CUBN: variants seen among roughly 807,000 people sequenced by gnomAD.
The protein encoded by CUBN is 460 kDa receptor.
Under a neutral mutation model 405.3 loss-of-function variants are expected in CUBN, and 282 were observed. The ratio of observed to expected loss-of-function variants is 0.70; its 90% CI spans 0.63 to 0.77. The LOEUF is 0.77. Among genes scored for constraint, CUBN ranks in the 30% least tolerant of loss-of-function variants. The probability of loss-of-function intolerance (pLI) is 0.00; values close to 1 mark genes in which losing one functional copy is unlikely to be tolerated. For missense variants in CUBN, 4,514 were observed against 4,475.2 expected (o/e 1.01, Z -0.25); for synonymous variants, 1,684 against 1,617.0 (o/e 1.04, Z -0.99).
chr10:16,879,412 C>T (rs975080560), intron 56 of CUBN, among the ~76,000 whole-genome samples: 4 of 152,150 alleles, frequency 2.6e-5, no homozygotes, highest in Non-Finnish European at 5.9e-5. Flanking sequence ...TCTAATGATC[C>T]ACATCACCCC....
intron 59 of CUBN, among the ~76,000 whole-genome samples, chr10:16,861,591 T>C (rs897154907): frequency 2.6e-5 from 4 of 151,392 alleles, no homozygotes; most frequent in African/African-American, 7.4e-5. Context: ...AGTGTACTGT[T>C]TTTACAGATA....
intron 57 of CUBN, among the ~76,000 whole-genome samples, chr10:16,875,938 C>T (rs958361872): frequency 2.1e-4 from 32 of 152,134 alleles, no homozygotes; most frequent in Admixed American, 1.6e-3. Flanking sequence ...ACGTTAATTG[C>T]GTGGTTCTAT....
chr10:16,931,579 A>G (rs1291314416), intron 40 of CUBN, among the ~76,000 whole-genome samples: 1 of 152,222 alleles, frequency 6.6e-6, no homozygotes, highest in African/African-American at 2.4e-5. Flanking sequence ...AGAAATTTCC[A>G]TCTAAGTAAA....
chr10:16,836,641 C>T (rs555765087), intron 62 of CUBN, among the ~76,000 whole-genome samples: 207 of 152,326 alleles, frequency 1.4e-3, no homozygotes, highest in African/African-American at 4.6e-3. Context: ...TAAGATCCCT[C>T]GCCTTTTATG....
chr10:17,037,943 T>TTTTC (rs11288246), intron 27 of CUBN, among the ~76,000 whole-genome samples: 1 of 10,680 alleles, frequency 9.4e-5, no homozygotes, highest in Non-Finnish European at 1.5e-3. Flanking sequence ...CACAGTCACC[T>TTTTC]TTTTTTTTTT....
chr10:16,952,011 T>C (rs1842934464), intron 33 of CUBN, among the ~76,000 whole-genome samples: 1 of 151,900 alleles, frequency 6.6e-6, no homozygotes, highest in South Asian at 2.1e-4. Flanking sequence ...TGTGTTGTTG[T>C]GCGTGTGTGT....
In CUBN at chr10:17,041,081, T is replaced by C; in HGVS notation, c.3969A>G (p.Leu1323=). Residue 1323 remains leucine, a synonymous_variant, in exon 27 of 67, where the codon TTA becomes TTG. Coordinates refer to ENST00000377833, the MANE Select transcript of CUBN (RefSeq NM_001081.4). ...TTATGTGATGTTCCAAGTCAAATGC[T>C]AAAAATGTGTAGTTCACAGTGTTGC... ...TTGNTVNYTF[L]AFDLEHHINC... The C allele has an allele frequency of 3.1e-6, 5 of 1,613,810 alleles. No individual in the cohort carries two copies. The highest frequency in any genetic ancestry group is 4.2e-6 in the Non-Finnish European group (5 of 1,179,784).
chr10:17,033,403 T>C (rs528895756), intron 27 of CUBN, among the ~76,000 whole-genome samples: 2 of 152,340 alleles, frequency 1.3e-5, no homozygotes, highest in Middle Eastern at 3.4e-3. Flanking sequence ...ATAAATTGAT[T>C]AAGGTGTGTT....
At position 16,900,622 on chromosome 10, in the gene CUBN, T is replaced by C. The variant is rs781403738; in HGVS notation, c.8410+3A>G. The C allele has an allele frequency of 3.1e-6, 5 of 1,604,392 alleles. No homozygotes were observed. In the South Asian group the frequency reaches 3.3e-5, roughly 11 times the overall value. ...AATCAAATGGAGCAAACATTTCTTT[T>C]ACCTAAAGTTTGTGTGTTCCACGTA... On this transcript the variant is annotated splice_donor_region_variant and intron_variant, in intron 53 of 66. Coordinates refer to ENST00000377833, the MANE Select transcript of CUBN (RefSeq NM_001081.4).
At chr10:17,087,460 A>ATTTTTTTTTTTTTTTTT (rs1564510318) in intron 15 of CUBN, among the ~76,000 whole-genome samples, 1 of 99,126 alleles carries the variant, frequency 1.0e-5, no homozygotes, top group Non-Finnish European at 2.0e-5. Flanking sequence ...AATCACTATT[A>ATTTTTTTTTTTTTTTTT]TTTTTCTTTT....
At position 16,940,205 on chromosome 10, in the gene CUBN, C is replaced by T. The variant is rs1454396708; in HGVS notation, c.5375G>A (p.Ser1792Asn). The T allele has an allele frequency of 6.2e-7, 1 of 1,614,126 alleles. No homozygotes were observed. The highest frequency in any genetic ancestry group is 8.5e-7 in the Non-Finnish European group (1 of 1,179,988). ...TTCACGGATCTCCACAAAATCTCTG[C>T]TGCAGTCCTGAGAGTCTTCCAACTG... Reference protein sequence around the residue: ...SFQLEDSQDCSRDFVEIREGN... With the variant: ...SFQLEDSQDCNRDFVEIREGN... Residue 1792 changes from serine (S) to asparagine (N), a missense_variant, in exon 37 of 67, where the codon AGC becomes AAC. Ser to Asn is a conservative substitution (Grantham distance 46). Around this residue, in one of 5 missense-constraint regions of CUBN, gnomAD observed 1,613 missense variants for 1,542.8 expected, o/e 1.05. Coordinates refer to ENST00000377833, the MANE Select transcript of CUBN (RefSeq NM_001081.4).
intron 17 of CUBN, among the ~76,000 whole-genome samples, chr10:17,072,699 G>A (rs961743354): frequency 1.3e-5 from 2 of 151,890 alleles, no homozygotes. Flanking sequence ...GTTATGGGTG[G>A]GGATATAAAA....
intron 28 of CUBN, among the ~76,000 whole-genome samples, chr10:17,014,462 A>G (rs1177152867): frequency 6.6e-6 from 1 of 152,112 alleles, no homozygotes; most frequent in African/African-American, 2.4e-5. Flanking sequence ...GGGGATCCAC[A>G]GTCAGCAAAA....
At position 16,877,060 on chromosome 10, in the gene CUBN, G is replaced by A. The variant is rs767131065; in HGVS notation, c.8943C>T (p.Gly2981=). 1.5e-5 allele frequency: 24 copies of A among 1,614,016 alleles called. No individual in the cohort carries two copies. Among genetic ancestry groups the A allele is most frequent in the South Asian group, 3.3e-5 (3 of 91,060 alleles). ...CGCTGTAACCTCTGATAATGTGCAC[G>A]CCATCGTTGACACAGCTTCCCGTCA... is the stretch of plus-strand genomic sequence containing the variant. ...SAVTGSCVND[G]VHIIRGYSVM... The change falls in exon 57 of 67, where the codon GGC becomes GGT. Residue 2981 remains glycine (G), a synonymous_variant. Coordinates refer to ENST00000377833, the MANE Select transcript of CUBN (RefSeq NM_001081.4).
chr10:16,877,121 CATT>C, intron 56 of CUBN, 24 bp from the exon 57 acceptor site: 1 of 1,599,496 alleles, frequency 6.3e-7, no homozygotes, highest in Non-Finnish European at 8.5e-7. Context: ...GGAACAACCG[CATT>C]ATGATCAGAA....
At chr10:17,092,650 C>A (rs1836290824) in intron 14 of CUBN, among the ~76,000 whole-genome samples, 1 of 152,136 alleles carries the variant, frequency 6.6e-6, no homozygotes, top group African/African-American at 2.4e-5. Flanking sequence ...GACACTCCTA[C>A]CAGTGCCATG....
In CUBN at chr10:17,104,127, A is replaced by T. The variant is rs931425690; in HGVS notation, c.1417+292T>A. Among the ~76,000 whole-genome samples the T allele has an allele frequency of 2.6e-5, 4 of 152,218 alleles. 1 individual carries two copies. The highest frequency in any genetic ancestry group is 2.6e-4 in the Admixed American group (4 of 15,290). ...GCTGCTCCTCAGAAAACTTCCCTTT[A>T]GAAAACCATAAAAGACAATACCTTA... On this transcript the variant is annotated intron_variant, in intron 12 of 66. Coordinates refer to ENST00000377833, the MANE Select transcript of CUBN (RefSeq NM_001081.4).
chr10:16,891,922 G>A (rs567771024), intron 54 of CUBN, among the ~76,000 whole-genome samples: 24 of 152,102 alleles, frequency 1.6e-4, no homozygotes, highest in Non-Finnish European at 2.8e-4. Context: ...TCTATCAACA[G>A]ACAACTATCT....
At chr10:17,118,063 C>G (rs1311988648) in intron 6 of CUBN, among the ~76,000 whole-genome samples, 2 of 152,166 alleles carry the variant, frequency 1.3e-5, no homozygotes, top group Non-Finnish European at 2.9e-5. Context: ...CAGTTAAATC[C>G]TTTCTCTTTA....
Sources: allele counts gnomAD v4.1 joint callset (sites outside exome capture counted in the v4.1 genomes callset), GRCh38; gene constraint gnomAD v4.1.1; regional missense constraint gnomAD v4.1.1; transcripts MANE v1.5; gene names NCBI Gene and HGNC (gene_info 2026-07-23, HGNC 2026-07-21).